Variants in PALM2AKAP2 observed in about 807,000 individuals in gnomAD.
The protein encoded by PALM2AKAP2 is PALM2-AKAP2 fusion protein.
PALM2AKAP2 carries 37 observed loss-of-function variants against 71.5 expected under a neutral mutation model. The ratio of observed to expected loss-of-function variants is 0.52; its 90% confidence interval spans 0.40 to 0.68. The LOEUF (loss-of-function observed/expected upper bound fraction) is 0.68. PALM2AKAP2 is among the 30% of genes least tolerant of loss of function. The pLI is 0.00. For missense variants in PALM2AKAP2, 1,224 were observed against 1,191.8 expected (o/e 1.03, Z -0.40); for synonymous variants, 468 against 478.8 (o/e 0.98, Z 0.29).
intron 2 of PALM2AKAP2, among the ~76,000 whole-genome samples, chr9:110,153,728 A>G (rs895956197): frequency 2.6e-5 from 4 of 152,254 alleles, no homozygotes; most frequent in African/African-American, 7.2e-5. Flanking sequence ...TTTGCATTCA[A>G]ATGAATTAAG....
chr9:109,736,229 C>T (rs74784194), intron 1 of PALM2AKAP2, among the ~76,000 whole-genome samples: 6,593 of 152,220 alleles, frequency 0.043, 192 homozygotes, highest in Non-Finnish European at 0.053. Flanking sequence ...AAGTGAATTA[C>T]TATAAATACA....
intron 1 of PALM2AKAP2, among the ~76,000 whole-genome samples, chr9:110,058,036 T>A (rs1275434460): frequency 6.6e-6 from 1 of 152,176 alleles, no homozygotes; most frequent in Non-Finnish European, 1.5e-5. Flanking sequence ...CTAAACGCTC[T>A]ATAACACACA....
At chr9:110,026,767 G>A (rs190752749) in intron 7 of PALM2AKAP2, among the ~76,000 whole-genome samples, 5 of 152,306 alleles carry the variant, frequency 3.3e-5, no homozygotes, top group African/African-American at 1.2e-4. Context: ...AGTAAGGCCA[G>A]GCGTGGTGGC....
chr9:109,979,056 C>A (rs1447837770), intron 6 of PALM2AKAP2, among the ~76,000 whole-genome samples: 1 of 151,632 alleles, frequency 6.6e-6, no homozygotes, highest in Non-Finnish European at 1.5e-5. Context: ...GTGGTGCAAT[C>A]TTGGCTCACT....
intron 1 of PALM2AKAP2, among the ~76,000 whole-genome samples, chr9:109,833,251 A>G (rs1828360949): frequency 6.6e-6 from 1 of 152,194 alleles, no homozygotes; most frequent in Admixed American, 6.5e-5. Context: ...GCTACTCAGG[A>G]GGCTGAGGCA....
intron 1 of PALM2AKAP2, among the ~76,000 whole-genome samples, chr9:109,741,847 A>G (rs1004857946): frequency 1.3e-5 from 2 of 152,222 alleles, no homozygotes; most frequent in Non-Finnish European, 2.9e-5. Context: ...TGTGAAAAAC[A>G]CTGTATTTTC....
intron 7 of PALM2AKAP2, among the ~76,000 whole-genome samples, chr9:110,028,135 G>A (rs1833215326): frequency 6.6e-6 from 1 of 152,158 alleles, no homozygotes; most frequent in African/African-American, 2.4e-5. Context: ...ACATGTCTTT[G>A]AGAATCATTG....
chr9:109,698,380 C>T (rs1386657257), intron 1 of PALM2AKAP2, among the ~76,000 whole-genome samples: 1 of 150,466 alleles, frequency 6.6e-6, no homozygotes. Context: ...CGGGTTCAAG[C>T]GATTCTTGTG....
intron 1 of PALM2AKAP2, among the ~76,000 whole-genome samples, chr9:109,800,045 T>C (rs1171025473): frequency 6.6e-6 from 1 of 152,214 alleles, no homozygotes. Context: ...GGATTCCCTA[T>C]TGCCTGCCAT....
At chr9:109,874,365 C>G (rs973971589) in intron 2 of PALM2AKAP2, among the ~76,000 whole-genome samples, 1 of 152,198 alleles carries the variant, frequency 6.6e-6, no homozygotes, top group African/African-American at 2.4e-5. Flanking sequence ...TACACAGAGG[C>G]AAGATAGTAG....
intron 1 of PALM2AKAP2, among the ~76,000 whole-genome samples, chr9:109,672,351 T>C (rs1827586065): frequency 6.6e-6 from 1 of 152,212 alleles, no homozygotes; most frequent in South Asian, 2.1e-4. Flanking sequence ...CTGTATCTAT[T>C]GAGATAATAA....
chr9:109,699,125 A>T (rs1828016083), intron 1 of PALM2AKAP2, among the ~76,000 whole-genome samples: 1 of 152,234 alleles, frequency 6.6e-6, no homozygotes, highest in Non-Finnish European at 1.5e-5. Flanking sequence ...GGGCAAAAAG[A>T]AAAATGGGCA....
exon 2 of PALM2AKAP2, chr9:110,136,313 C>T: frequency 1.2e-6 from 2 of 1,614,180 alleles, no homozygotes; most frequent in East Asian, 2.2e-5. Flanking sequence ...CATGGACCAT[C>T]CCTCCGCTTT....
intron 1 of PALM2AKAP2, among the ~76,000 whole-genome samples, chr9:109,706,445 A>G (rs1828146144): frequency 6.6e-6 from 1 of 152,228 alleles, no homozygotes; most frequent in African/African-American, 2.4e-5. Flanking sequence ...AAATACTCAT[A>G]CATTACTGGT....
In PALM2AKAP2 at chr9:110,136,890, T is replaced by G. The variant is rs761125706; in HGVS notation, c.920T>G (p.Leu307Arg). The G allele has an allele frequency of 2.5e-6, 4 of 1,613,850 alleles. No individual in the cohort carries two copies. The East Asian group carries it at 8.9e-5, about 36-fold the overall frequency. ...AGGCCTTCAGAGGAGATGCTGGAGC[T>G]GGAAAAGGAGAGGAGAGAGCTCATC... Residue 307 changes from leucine to arginine, a missense_variant, in exon 2 of 4, where the codon CTG becomes CGG. Leu to Arg is a moderately radical substitution (Grantham distance 102). Coordinates refer to ENST00000374525, the Ensembl canonical transcript of PALM2AKAP2.
intron 6 of PALM2AKAP2, among the ~76,000 whole-genome samples, chr9:110,013,656 T>C (rs892285351): frequency 2.6e-5 from 4 of 152,204 alleles, no homozygotes; most frequent in Admixed American, 6.5e-5. Context: ...GCACCATGAA[T>C]TGAATTATAG....
At chr9:109,843,948 G>A (rs1310587885) in intron 1 of PALM2AKAP2, among the ~76,000 whole-genome samples, 1 of 152,232 alleles carries the variant, frequency 6.6e-6, no homozygotes, top group Non-Finnish European at 1.5e-5. Flanking sequence ...TAAATCTGCA[G>A]TTCCTGACCT....
intron 1 of PALM2AKAP2, among the ~76,000 whole-genome samples, chr9:109,834,336 G>C (rs1053532255): frequency 1.3e-5 from 2 of 152,226 alleles, no homozygotes; most frequent in African/African-American, 2.4e-5. Context: ...TTTGTAACAG[G>C]CAGAAACCAG....
intron 1 of PALM2AKAP2, among the ~76,000 whole-genome samples, chr9:109,737,412 G>T (rs947246773): frequency 6.6e-6 from 1 of 152,364 alleles, no homozygotes; most frequent in African/African-American, 2.4e-5. Flanking sequence ...TGTGGCCAAG[G>T]GTGAGGTTCA....
Sources: gnomAD v4.1 joint callset for allele counts (sites outside exome capture counted in the v4.1 genomes callset) on GRCh38, gnomAD v4.1.1 for gene constraint, MANE v1.5 for transcripts, NCBI Gene and HGNC (gene_info 2026-07-23, HGNC 2026-07-21) for gene names.